The following KLHL29 variants were observed in gnomAD, a reference collection of about 807,000 sequenced individuals.
KLHL29 encodes the protein kelch like family member 29.
KLHL29 carries 21 observed loss-of-function variants against 80.4 expected under a neutral mutation model. That is an observed-to-expected ratio of 0.26 (90% CI 0.19 to 0.38). The LOEUF is 0.38. Ranked by LOEUF, KLHL29 falls within the 10% of genes least tolerant of loss-of-function variation. The pLI, the probability that KLHL29 is intolerant of heterozygous loss-of-function variation, is 1.00. For missense variants in KLHL29, 867 were observed against 1,223.9 expected (o/e 0.71, Z 4.35); for synonymous variants, 511 against 526.8 (o/e 0.97, Z 0.41).
At chr2:23,522,089 A>G (rs1219046054) in intron 2 of KLHL29, among the ~76,000 whole-genome samples, 1 of 152,152 alleles carries the variant, frequency 6.6e-6, no homozygotes, top group Non-Finnish European at 1.5e-5. Context: ...TCCATAGGCT[A>G]TGAACAAGGA....
chr2:23,703,675 C>A (rs989478689), intron 12 of KLHL29, 44 bp from the exon 13 acceptor site: 13 of 1,501,016 alleles, frequency 8.7e-6, no homozygotes, highest in Middle Eastern at 1.7e-4. Context: ...AGAGGGAAGT[C>A]CAAGACAAGC....
chr2:23,693,550 G>T (rs773863063), intron 8 of KLHL29, 22 bp downstream of exon 8: 1 of 1,537,222 alleles, frequency 6.5e-7, no homozygotes, highest in South Asian at 1.2e-5. Flanking sequence ...CCTGTCCCCC[G>T]CCCCTTCTCT....
rs954611535 is a variant in KLHL29 at position 23,708,262 on chromosome 2, A to C, written c.*1598A>C. 1 of 152,342 alleles carries C rather than the reference A, an allele frequency of 6.6e-6. No individual in the cohort carries two copies. Among genetic ancestry groups the C allele is most frequent in the Admixed American group, 6.5e-5 (1 of 15,304 alleles). The allele number at this position is 152,342 out of a possible 1,614,324, so 9.4% of individuals were successfully genotyped here. A position where few individuals can be genotyped will look rare whatever the true frequency, so the allele number is the denominator to read the frequency against. ...TTTTTAATATTATTTATTATTTTAA[A>C]AAGTAATAAGCACAAAACTACATAC... On this transcript the variant is annotated 3_prime_UTR_variant, in exon 14 of 14. Transcript: ENST00000486442.
chr2:23,605,400 C>G (rs1473401537), intron 3 of KLHL29, among the ~76,000 whole-genome samples: 1 of 151,980 alleles, frequency 6.6e-6, no homozygotes, highest in Non-Finnish European at 1.5e-5. Context: ...ACCCCGCCTA[C>G]CTGCCCCTTA....
chr2:23,483,372 G>A (rs1195774848), intron 2 of KLHL29, among the ~76,000 whole-genome samples: 2 of 152,210 alleles, frequency 1.3e-5, no homozygotes, highest in Non-Finnish European at 2.9e-5. Flanking sequence ...AGATATCAGA[G>A]CAAAAATGCT....
In KLHL29 at chr2:23,542,500, G is replaced by A. The variant is rs72793549; in HGVS notation, c.-45-19652G>A. 4.4e-3 allele frequency among the ~76,000 whole-genome samples: 677 copies of A among 152,318 alleles called. 4 individuals are homozygous for A. The highest frequency in any genetic ancestry group is 0.014 in the Middle Eastern group (4 of 294). On this transcript the variant is annotated intron_variant, in intron 2 of 13. Coordinates refer to ENST00000486442, the MANE Select transcript of KLHL29 (RefSeq NM_052920.2). ...GTGTGCTCTGATGGGGACAGCCCGC[G>A]TTCAGGGTTTGGCTATTTGGGGAAT...
chr2:23,518,751 C>G (rs958713150), intron 2 of KLHL29, among the ~76,000 whole-genome samples: 7 of 152,154 alleles, frequency 4.6e-5, no homozygotes, highest in Non-Finnish European at 8.8e-5. Context: ...TGGTCCAGGG[C>G]CCCAGCCATC....
intron 5 of KLHL29, among the ~76,000 whole-genome samples, chr2:23,664,003 T>C (rs1670489202): frequency 6.6e-6 from 1 of 152,176 alleles, no homozygotes; most frequent in Non-Finnish European, 1.5e-5. Flanking sequence ...TTCCGAGTGG[T>C]TGGGGACTGG....
Position 23,691,876 on chromosome 2 carries a change from G to A in KLHL29, c.1282G>A (p.Glu428Lys), listed in dbSNP as rs564002560. Residue 428 changes from glutamate (E) to lysine (K), a missense_variant and splice_region_variant, in exon 7 of 14, where the codon GAG becomes AAG. Coordinates refer to ENST00000486442, the MANE Select transcript of KLHL29 (RefSeq NM_052920.2). ...TFCKVCVSFL[E>K]KQLTASNCLG... ...CTGCAAAGTCTGCGTGTCCTTTCTC[G>A]GTGAGCCCGGGGGCCACATATGTCG... is the stretch of plus-strand genomic sequence containing the variant. 7.8e-6 allele frequency: 12 copies of A among 1,548,200 alleles called. No individual in the cohort carries two copies. The highest frequency in any genetic ancestry group is 2.7e-5 in the African/African-American group (2 of 73,170).
intron 2 of KLHL29, among the ~76,000 whole-genome samples, chr2:23,520,993 C>T (rs1046445878): frequency 9.6e-6 from 1 of 103,688 alleles, no homozygotes; most frequent in Admixed American, 9.4e-5. Flanking sequence ...ACAAAGACCA[C>T]CCCCCCCCCC....
intron 2 of KLHL29, among the ~76,000 whole-genome samples, chr2:23,530,073 A>G (rs1193671044): frequency 6.6e-6 from 1 of 152,092 alleles, no homozygotes; most frequent in South Asian, 2.1e-4. Flanking sequence ...GGCAGTTGCT[A>G]TTACCCCCAT....
rs765030908 is a variant in KLHL29, at chr2:23,489,616, C to T, written c.-46+13949C>T. 5.3e-5 allele frequency among the ~76,000 whole-genome samples: 8 copies of T among 152,002 alleles called. No homozygotes were observed. The East Asian group carries it at 9.6e-4, about 18-fold the overall frequency. On this transcript the variant is annotated intron_variant, in intron 2 of 13. Transcript: ENST00000486442. ...GAAAGCCTCCCAAGAGAACCAGCTT[C>T]GCATTAATGCATGAAACAAGGCTCC... is the stretch of plus-strand genomic sequence containing the variant.
intron 1 of KLHL29, among the ~76,000 whole-genome samples, chr2:23,459,879 G>A (rs1439226044): frequency 6.6e-6 from 1 of 152,210 alleles, no homozygotes; most frequent in African/African-American, 2.4e-5. Flanking sequence ...TTTGGATAGA[G>A]TGATGGGCTA....
At chr2:23,433,408 C>G (rs570054579) in intron 1 of KLHL29, among the ~76,000 whole-genome samples, 1 of 152,284 alleles carries the variant, frequency 6.6e-6, no homozygotes, top group East Asian at 1.9e-4. Context: ...ATGAGGGAAT[C>G]TGGTGTTGGG....
At chr2:23,387,082 C>T (rs1467279928) in intron 1 of KLHL29, among the ~76,000 whole-genome samples, 1 of 152,180 alleles carries the variant, frequency 6.6e-6, no homozygotes, top group Non-Finnish European at 1.5e-5. Flanking sequence ...CAAACGTTCT[C>T]CTCCCTCCCT....
chr2:23,548,249 G>A (rs560781545), intron 2 of KLHL29, among the ~76,000 whole-genome samples: 1 of 152,122 alleles, frequency 6.6e-6, no homozygotes, highest in East Asian at 1.9e-4. Context: ...TGGGGACCCT[G>A]TGAACACACA....
At chr2:23,484,716 T>C (rs1664883506) in intron 2 of KLHL29, among the ~76,000 whole-genome samples, 1 of 152,214 alleles carries the variant, frequency 6.6e-6, no homozygotes, top group African/African-American at 2.4e-5. Context: ...CTGAAATGCA[T>C]TCGCGGTGCT....
At chr2:23,473,579 C>T (rs1202163506) in intron 1 of KLHL29, among the ~76,000 whole-genome samples, 1 of 152,126 alleles carries the variant, frequency 6.6e-6, no homozygotes, top group African/African-American at 2.4e-5. Context: ...CAGGCGTAGA[C>T]AGCCTGTGCT....
Position 23,562,120 on chromosome 2 carries a change from A to C in KLHL29, c.-45-32A>C. The C allele has an allele frequency of 6.6e-7, 1 of 1,523,490 alleles. No homozygotes were observed. Among genetic ancestry groups the C allele is most frequent in the East Asian group, 2.5e-5 (1 of 40,800 alleles). 94.4% of individuals were successfully genotyped at this position (1,523,490 alleles called of 1,614,324 possible). A position where few individuals can be genotyped will look rare whatever the true frequency, so the allele number is the denominator to read the frequency against. On this transcript the variant is annotated intron_variant, in intron 2 of 13. Coordinates refer to ENST00000486442, the MANE Select transcript of KLHL29 (RefSeq NM_052920.2). The surrounding 1 kb of genome is among the most constrained non-coding windows in gnomAD (Gnocchi z 4.5). ...AGTTGTCGCTGCCTGCTCCAGTCCT[A>C]AATCACCCTTCTCTCCACCCTGTCA...
Sources: gnomAD v4.1 joint callset for allele counts (sites outside exome capture counted in the v4.1 genomes callset) on GRCh38, gnomAD v4.1.1 for gene constraint, Gnocchi (gnomAD v3.1) non-coding constraint, MANE v1.5 for transcripts, NCBI Gene and HGNC (gene_info 2026-07-23, HGNC 2026-07-21) for gene names.